The following SAXO1 variants were observed in gnomAD, a reference collection of about 807,000 sequenced individuals.
SAXO1 encodes 4930500O09Rik.
In SAXO1, 21 loss-of-function variants were observed where a neutral mutation model predicts 17.5. That is an observed-to-expected ratio of 1.20 (90% CI 0.85 to 1.72). The LOEUF is 1.72. Among genes scored for constraint, SAXO1 ranks in the 40% most tolerant of loss-of-function variants. The pLI is 0.00. For synonymous variants in SAXO1, 274 were observed against 216.5 expected (o/e 1.27, Z -2.33); for missense variants, 843 against 596.0 (o/e 1.41, Z -4.32).
At chr9:19,031,448 T>C (rs932380820) in intron 1 of SAXO1, among the ~76,000 whole-genome samples, 3 of 152,026 alleles carry the variant, frequency 2.0e-5, no homozygotes, top group Non-Finnish European at 4.4e-5. Flanking sequence ...TGTAATCCCA[T>C]CTACTCAGGA....
chr9:18,948,959 C>G (rs1457657228), intron 2 of SAXO1, among the ~76,000 whole-genome samples: 1 of 152,138 alleles, frequency 6.6e-6, no homozygotes, highest in African/African-American at 2.4e-5. Context: ...CCTTTCCTAC[C>G]GATTACATGT....
chr9:19,001,134 T>C (rs1216689446), intron 1 of SAXO1, among the ~76,000 whole-genome samples: 1 of 152,176 alleles, frequency 6.6e-6, no homozygotes, highest in Non-Finnish European at 1.5e-5. Flanking sequence ...CAACAGAATA[T>C]ACATTCTTCT....
intron 3 of SAXO1, among the ~76,000 whole-genome samples, chr9:18,934,293 G>T (rs74305631): frequency 6.7e-6 from 1 of 148,164 alleles, no homozygotes; most frequent in Non-Finnish European, 1.5e-5. Context: ...TTCTCCTTTT[G>T]GGGCCATGAT....
chr9:18,959,607 C>G (rs1315665273), intron 1 of SAXO1, among the ~76,000 whole-genome samples: 1 of 152,032 alleles, frequency 6.6e-6, no homozygotes. Flanking sequence ...CCCATCTCTA[C>G]CAAAAATACA....
chr9:18,950,737 A>G (rs777119497), intron 2 of SAXO1, 21 bp downstream of exon 2: 3 of 1,606,418 alleles, frequency 1.9e-6, no homozygotes, highest in East Asian at 4.5e-5. Flanking sequence ...ACCTGCATAC[A>G]TTAATACTGT....
Position 19,011,298 on chromosome 9 carries a change from C to A in SAXO1, c.38+21573G>T, listed in dbSNP as rs114735957. Among the ~76,000 whole-genome samples the A allele has an allele frequency of 6.3e-3, 953 of 152,238 alleles. 9 individuals carry two copies. Among genetic ancestry groups the A allele is most frequent in the African/African-American group, 0.022 (904 of 41,542 alleles). ...CCTGCTGAGGCATTTGAGCCCATTG[C>A]CACTTTCTAACGAGGGAGGCAAGAA... On this transcript the variant is annotated intron_variant, in intron 1 of 3. Coordinates refer to ENST00000380534, the MANE Select transcript of SAXO1 (RefSeq NM_153707.4).
At chr9:18,989,474 T>C (rs918744090) in intron 1 of SAXO1, among the ~76,000 whole-genome samples, 1 of 151,960 alleles carries the variant, frequency 6.6e-6, no homozygotes, top group Non-Finnish European at 1.5e-5. Flanking sequence ...ATAGAGAACT[T>C]CAAAAATATA....
At chr9:18,984,495 C>G (rs1016186724) in intron 1 of SAXO1, among the ~76,000 whole-genome samples, 17 of 152,238 alleles carry the variant, frequency 1.1e-4, no homozygotes, top group African/African-American at 4.1e-4. Flanking sequence ...TTCCGGATAA[C>G]TTGCTGTAGC....
chr9:19,044,649 T>C (rs907824446), intron 1 of SAXO1, among the ~76,000 whole-genome samples: 1 of 150,930 alleles, frequency 6.6e-6, no homozygotes, highest in Non-Finnish European at 1.5e-5. Flanking sequence ...GATCACAAGG[T>C]CAGAAGATCG....
chr9:18,969,357 C>G (rs1269318230), intron 1 of SAXO1, among the ~76,000 whole-genome samples: 1 of 152,192 alleles, frequency 6.6e-6, no homozygotes, highest in Non-Finnish European at 1.5e-5. Context: ...TGGAGTTTCA[C>G]TCTCTTCACA....
At chr9:19,022,983 T>C (rs1425712887) in intron 1 of SAXO1, among the ~76,000 whole-genome samples, 2 of 152,204 alleles carry the variant, frequency 1.3e-5, no homozygotes, top group African/African-American at 4.8e-5. Context: ...TGTTTGTTAA[T>C]GTCAGTATGA....
At chr9:19,032,842 C>A (rs761759555) in intron 1 of SAXO1, 29 bp downstream of exon 1, 12 of 1,607,560 alleles carry the variant, frequency 7.5e-6, no homozygotes, top group African/African-American at 2.7e-5. Context: ...CAGGCTCCCC[C>A]AGCCTTGCCC....
intron 3 of SAXO1, among the ~76,000 whole-genome samples, chr9:18,940,719 C>T (rs1831516108): frequency 6.6e-6 from 1 of 152,180 alleles, no homozygotes; most frequent in African/African-American, 2.4e-5. Context: ...TCAGTCTTTG[C>T]AGCTGAGCTC....
intron 2 of SAXO1, among the ~76,000 whole-genome samples, chr9:18,946,200 C>G (rs188674456): frequency 7.2e-6 from 1 of 138,450 alleles, no homozygotes; most frequent in Non-Finnish European, 1.5e-5. Flanking sequence ...CGCTTGAACT[C>G]GGGAGGAGGA....
At chr9:18,937,396 T>G (rs1831346697) in intron 3 of SAXO1, among the ~76,000 whole-genome samples, 1 of 152,198 alleles carries the variant, frequency 6.6e-6, no homozygotes, top group Non-Finnish European at 1.5e-5. Flanking sequence ...CACACTTTGT[T>G]GTGTCATTCC....
intron 1 of SAXO1, among the ~76,000 whole-genome samples, chr9:19,046,846 A>C (rs1328762825): frequency 6.6e-6 from 1 of 151,978 alleles, no homozygotes; most frequent in Non-Finnish European, 1.5e-5. Context: ...AGCCTGGTTG[A>C]CAGAGAAAGA....
chr9:18,951,601 C>T (rs887398419), intron 1 of SAXO1, among the ~76,000 whole-genome samples: 10 of 152,152 alleles, frequency 6.6e-5, no homozygotes, highest in Non-Finnish European at 8.8e-5. Context: ...GGATCCACCT[C>T]GCCGTCGTAT....
chr9:19,034,522 G>T (rs1835885240), upstream of SAXO1, among the ~76,000 whole-genome samples: 1 of 152,072 alleles, frequency 6.6e-6, no homozygotes, highest in Non-Finnish European at 1.5e-5. Flanking sequence ...TCCCGATTTT[G>T]CCTCTTGGCC....
chr9:18,975,733 C>G (rs1357508534), intron 1 of SAXO1, among the ~76,000 whole-genome samples: 1 of 152,190 alleles, frequency 6.6e-6, no homozygotes, highest in Non-Finnish European at 1.5e-5. Context: ...AAACCCCATG[C>G]TTTTCTCTAG....
Sources: gnomAD v4.1 joint callset for allele counts (sites outside exome capture counted in the v4.1 genomes callset) on GRCh38, gnomAD v4.1.1 for gene constraint, MANE v1.5 for transcripts, NCBI Gene and HGNC (gene_info 2026-07-23, HGNC 2026-07-21) for gene names.